Variants in MAP4K5 observed in about 807,000 individuals in gnomAD.
The protein encoded by MAP4K5 is mitogen-activated protein kinase kinase kinase kinase 5, also known as MAPK/ERK kinase kinase kinase 5.
Under a neutral mutation model 135.6 loss-of-function variants are expected in MAP4K5, and 82 were observed. The observed-to-expected ratio is 0.60, with a 90% CI of 0.51 to 0.73. MAP4K5 has a LOEUF of 0.73. Ranked by LOEUF, MAP4K5 falls within the 30% of genes least tolerant of loss-of-function variation. The pLI, the probability that MAP4K5 is intolerant of heterozygous loss-of-function variation, is 0.00. For missense variants in MAP4K5, 907 were observed against 1,010.9 expected (o/e 0.90, Z 1.39); for synonymous variants, 347 against 335.0 (o/e 1.04, Z -0.39).
rs971584229 is a variant in MAP4K5, at chr14:50,445,211, A to G, written c.1186-17T>C. On this transcript the variant is annotated splice_polypyrimidine_tract_variant and intron_variant, in intron 17 of 32. Transcript: ENST00000682126. ...TATCCTTGGCTAGTGGTACAAAGAC[A>G]AAAAAGTACTTTAACAGTTATCATT... 3.7e-6 allele frequency: 6 copies of G among 1,609,520 alleles called. No homozygotes were observed. The highest frequency in any genetic ancestry group is 1.6e-4 in the Middle Eastern group (1 of 6,062).
At chr14:50,431,481 CTA>C (rs1373838354) in intron 28 of MAP4K5, among the ~76,000 whole-genome samples, 1 of 152,032 alleles carries the variant, frequency 6.6e-6, no homozygotes, top group Non-Finnish European at 1.5e-5. Context: ...CAATTCCCAC[CTA>C]TGAGTGAGAA....
intron 3 of MAP4K5, among the ~76,000 whole-genome samples, chr14:50,503,518 T>C (rs2140012223): frequency 6.6e-6 from 1 of 152,220 alleles, no homozygotes; most frequent in Middle Eastern, 3.4e-3. Context: ...ATTGCCTTCT[T>C]ATGTTAGTTC....
chr14:50,445,220 C>T (rs2139722664), intron 17 of MAP4K5, 26 bp from the exon 18 acceptor site: 1 of 1,606,686 alleles, frequency 6.2e-7, no homozygotes, highest in East Asian at 2.2e-5. Context: ...CAAAAAAGTA[C>T]TTTAACAGTT....
intron 10 of MAP4K5, among the ~76,000 whole-genome samples, chr14:50,467,030 T>A (rs529485661): frequency 6.6e-6 from 1 of 152,304 alleles, no homozygotes; most frequent in Non-Finnish European, 1.5e-5. Flanking sequence ...AACCAAAGAC[T>A]GGCCTCCATA....
chr14:50,420,443 C>A, intron 32 of MAP4K5, among the ~76,000 whole-genome samples: 1 of 151,772 alleles, frequency 6.6e-6, no homozygotes, highest in Non-Finnish European at 1.5e-5. Context: ...CCAGCCTGAG[C>A]AAGATGGCAA....
At chr14:50,511,401 G>A (rs1250472208) in intron 2 of MAP4K5, among the ~76,000 whole-genome samples, 1 of 152,122 alleles carries the variant, frequency 6.6e-6, no homozygotes, top group African/African-American at 2.4e-5. Context: ...ACTAGAGGCT[G>A]AGAAGGGTAG....
At chr14:50,555,304 C>T (rs111909143) in intron 1 of MAP4K5, among the ~76,000 whole-genome samples, 5,665 of 152,256 alleles carry the variant, frequency 0.037, 101 homozygotes, top group Middle Eastern at 0.058. Context: ...GTTTTTGAGA[C>T]GGAGTCTCGC....
chr14:50,466,799 A>G lies in MAP4K5; in HGVS notation c.675-154T>C, dbSNP rs547768679. Among the ~76,000 whole-genome samples the G allele has an allele frequency of 1.5e-3, 230 of 152,304 alleles. 1 individual carries two copies. The highest frequency in any genetic ancestry group is 3.5e-4 in the Non-Finnish European group (24 of 68,000). ...ATAGAAATTAAATTTTTAATATTTT[A>G]GATAGCTTTCAAAAAATTTCTCTTG... On this transcript the variant is annotated intron_variant, in intron 10 of 32. Coordinates refer to ENST00000682126, the MANE Select transcript of MAP4K5 (RefSeq NM_006575.6).
intron 8 of MAP4K5, among the ~76,000 whole-genome samples, chr14:50,475,834 G>C (rs1285859291): frequency 1.3e-5 from 2 of 152,190 alleles, no homozygotes; most frequent in African/African-American, 2.4e-5. Flanking sequence ...TGATTGAATA[G>C]ATTTATCACA....
In MAP4K5 at chr14:50,476,316, T is replaced by TAAA. The variant is rs76595851; in HGVS notation, c.379-13_379-11dup. The TAAA allele has an allele frequency of 4.2e-5, 47 of 1,121,222 alleles. No homozygotes were observed. Among genetic ancestry groups the TAAA allele is most frequent in the Non-Finnish European group, 4.5e-5 (38 of 843,334 alleles). The allele number at this position is 1,121,222 out of a possible 1,614,324, so 69.5% of individuals were successfully genotyped here. A position where few individuals can be genotyped will look rare whatever the true frequency, so the allele number is the denominator to read the frequency against. ...GCAAATAGGCAAGACCCTAAAAGTT[T>TAAA]AAAAAAAAAAAAAAAGAATGTATCA... On this transcript the variant is annotated splice_polypyrimidine_tract_variant and intron_variant, in intron 6 of 32. Transcript: ENST00000682126.
intron 9 of MAP4K5, among the ~76,000 whole-genome samples, chr14:50,473,247 T>C (rs556489169): frequency 2.0e-5 from 3 of 152,328 alleles, no homozygotes; most frequent in South Asian, 2.1e-4. Context: ...CTTTTCTTAC[T>C]GGTCTCAGGT....
At chr14:50,519,220 A>G (rs1395566478) in intron 2 of MAP4K5, among the ~76,000 whole-genome samples, 1 of 152,020 alleles carries the variant, frequency 6.6e-6, no homozygotes, top group Non-Finnish European at 1.5e-5. Flanking sequence ...ATACATCTAT[A>G]TAATATATAC....
chr14:50,550,661 C>T (rs914969137), intron 1 of MAP4K5, among the ~76,000 whole-genome samples: 1 of 152,178 alleles, frequency 6.6e-6, no homozygotes, highest in Admixed American at 6.5e-5. Context: ...CAAAACAAGT[C>T]TCAATAAACT....
At chr14:50,440,340 T>C (rs746862230) in intron 22 of MAP4K5, 22 bp downstream of exon 22, 1 of 1,484,330 alleles carries the variant, frequency 6.7e-7, no homozygotes, top group Non-Finnish European at 9.3e-7. Flanking sequence ...AATTAATTTC[T>C]TGAATTAAAA....
intron 2 of MAP4K5, among the ~76,000 whole-genome samples, chr14:50,531,075 T>A (rs1595556116): frequency 6.6e-6 from 1 of 152,178 alleles, no homozygotes; most frequent in Non-Finnish European, 1.5e-5. Context: ...GCCCTTAATA[T>A]TCATAGGCTG....
chr14:50,547,635 G>A (rs1408793187), intron 1 of MAP4K5, among the ~76,000 whole-genome samples: 1 of 152,144 alleles, frequency 6.6e-6, no homozygotes, highest in East Asian at 1.9e-4. Context: ...AGCCCTGTGT[G>A]GCCTGTGAAA....
intron 2 of MAP4K5, among the ~76,000 whole-genome samples, chr14:50,520,123 G>C (rs1157172869): frequency 6.6e-6 from 1 of 151,802 alleles, no homozygotes; most frequent in Non-Finnish European, 1.5e-5. Flanking sequence ...CTAGGACTTT[G>C]GGAGGCCGAG....
chr14:50,490,733 C>A (rs2037466217), intron 3 of MAP4K5, among the ~76,000 whole-genome samples: 1 of 152,192 alleles, frequency 6.6e-6, no homozygotes, highest in African/African-American at 2.4e-5. Context: ...CCTTGAGGGG[C>A]TGGTCTTTGC....
At chr14:50,484,866 G>A (rs900788208) in intron 5 of MAP4K5, among the ~76,000 whole-genome samples, 2 of 152,048 alleles carry the variant, frequency 1.3e-5, no homozygotes, top group African/African-American at 4.8e-5. Context: ...GCATAGAAAC[G>A]TTTAAAAATA....
Sources: allele counts gnomAD v4.1 joint callset (sites outside exome capture counted in the v4.1 genomes callset), GRCh38; gene constraint gnomAD v4.1.1; transcripts MANE v1.5; gene names NCBI Gene and HGNC (gene_info 2026-07-23, HGNC 2026-07-21).